ACVR1: variants seen among roughly 807,000 people sequenced by gnomAD.
The protein encoded by ACVR1 is activin receptor type-1.
A neutral mutation model predicts 57.1 loss-of-function variants in ACVR1; 38 were observed. The observed-to-expected ratio is 0.67, with a 90% CI of 0.51 to 0.87. The LOEUF (loss-of-function observed/expected upper bound fraction) is 0.87. Among genes scored for constraint, ACVR1 ranks in the 40% least tolerant of loss-of-function variants. The pLI is 0.00. For missense variants in ACVR1, 463 were observed against 638.2 expected, an observed-to-expected ratio of 0.73 and a Z score of 2.96; for synonymous variants, 212 against 228.1, an observed-to-expected ratio of 0.93 and a Z score of 0.63.
chr2:157,780,755 T>C (rs1360044084), intron 3 of ACVR1, among the ~76,000 whole-genome samples, 155 bp from the exon 4 acceptor site: 4 of 152,194 alleles, frequency 2.6e-5, no homozygotes, highest in African/African-American at 9.7e-5. Flanking sequence ...TTCTGTCACC[T>C]TGTCACCTAA....
intron 1 of ACVR1, among the ~76,000 whole-genome samples, chr2:157,874,181 G>A (rs566581856): frequency 2.0e-5 from 3 of 152,246 alleles, no homozygotes; most frequent in African/African-American, 7.2e-5. Flanking sequence ...GTGAGTACCT[G>A]CATAAGGGGT....
intron 3 of ACVR1, 78 bp from the exon 4 acceptor site, chr2:157,780,678 G>T: frequency 6.5e-7 from 1 of 1,538,996 alleles, no homozygotes; most frequent in South Asian, 1.2e-5. Context: ...TTGAGGGAAT[G>T]ACCATTCCAA....
At chr2:157,791,655 C>T (rs750966773) in intron 3 of ACVR1, among the ~76,000 whole-genome samples, 2 of 152,164 alleles carry the variant, frequency 1.3e-5, no homozygotes, top group Non-Finnish European at 2.9e-5. Flanking sequence ...GGAGAATATA[C>T]GCAAAGACAT....
chr2:157,809,783 A>C (rs1687686753), intron 2 of ACVR1, among the ~76,000 whole-genome samples: 1 of 152,194 alleles, frequency 6.6e-6, no homozygotes, highest in Non-Finnish European at 1.5e-5. Flanking sequence ...TGTTATTAAA[A>C]ATAAAATGCA....
At chr2:157,864,526 C>T (rs984443071) in intron 1 of ACVR1, among the ~76,000 whole-genome samples, 1 of 152,164 alleles carries the variant, frequency 6.6e-6, no homozygotes, top group Non-Finnish European at 1.5e-5. Flanking sequence ...GGACACCACA[C>T]TTGGCCAAAT....
At chr2:157,795,383 CACACA>C (rs1687069756) in intron 3 of ACVR1, among the ~76,000 whole-genome samples, 3 of 15,304 alleles carry the variant, frequency 2.0e-4, no homozygotes, top group Middle Eastern at 0.031. Context: ...ATAGAACACA[CACACA>C]CACACACACA....
chr2:157,852,114 G>A (rs1689336068), intron 1 of ACVR1, among the ~76,000 whole-genome samples: 1 of 151,984 alleles, frequency 6.6e-6, no homozygotes, highest in Admixed American at 6.6e-5. Context: ...TTAAAGGACA[G>A]AATACTTAAG....
intron 1 of ACVR1, among the ~76,000 whole-genome samples, chr2:157,866,934 T>C (rs1689960541): frequency 6.6e-6 from 1 of 152,128 alleles, no homozygotes; most frequent in Non-Finnish European, 1.5e-5. Context: ...GACATTCTCA[T>C]CCTCTCACCA....
intron 9 of ACVR1, 53 bp downstream of exon 9, chr2:157,760,827 C>T: frequency 3.2e-6 from 5 of 1,561,536 alleles, no homozygotes; most frequent in Non-Finnish European, 4.4e-6. Context: ...TTAAAGGTAG[C>T]TGGATCAAGA....
intron 9 of ACVR1, among the ~76,000 whole-genome samples, chr2:157,741,474 A>G (rs1256952314): frequency 6.6e-6 from 1 of 151,826 alleles, no homozygotes; most frequent in African/African-American, 2.4e-5. Context: ...AAAATACAAA[A>G]ATTAGCTTGG....
intron 1 of ACVR1, among the ~76,000 whole-genome samples, chr2:157,861,642 G>A (rs1404016959): frequency 1.3e-5 from 2 of 152,168 alleles, no homozygotes; most frequent in Non-Finnish European, 2.9e-5. Flanking sequence ...CTAAATCTGT[G>A]TTCATCCACT....
At chr2:157,744,735 C>G (rs924490077) in intron 9 of ACVR1, among the ~76,000 whole-genome samples, 1 of 152,212 alleles carries the variant, frequency 6.6e-6, no homozygotes, top group African/African-American at 2.4e-5. Flanking sequence ...TAACATACCT[C>G]ACAAGAGGGC....
chr2:157,831,554 C>T (rs1237812558), intron 1 of ACVR1, among the ~76,000 whole-genome samples: 1 of 152,180 alleles, frequency 6.6e-6, no homozygotes, highest in Non-Finnish European at 1.5e-5. Context: ...CTATTGTTTT[C>T]ATAAAACAAG....
intron 2 of ACVR1, among the ~76,000 whole-genome samples, chr2:157,802,309 G>A (rs530317748): frequency 6.6e-6 from 1 of 152,208 alleles, no homozygotes; most frequent in East Asian, 1.9e-4. Context: ...GTGTCCTGAG[G>A]ACTTAGGGCA....
At chr2:157,755,523 AATACCATACCATACC>A (rs71402402) in intron 9 of ACVR1, among the ~76,000 whole-genome samples, 5,352 of 149,870 alleles carry the variant, frequency 0.036, 184 homozygotes, top group African/African-American at 0.09. Context: ...AGCTGCAAAT[AATACCATACCATACC>A]ATACCATACC....
chr2:157,739,939 C>T (rs143119930), intron 9 of ACVR1, among the ~76,000 whole-genome samples: 2,365 of 152,196 alleles, frequency 0.016, 49 homozygotes, highest in African/African-American at 0.051. Flanking sequence ...AATCTCAGCA[C>T]TTTGGGAGGT....
rs769907223 is a variant in ACVR1, at chr2:157,869,335, A to G, written c.-183+6461T>C. 2.6e-5 allele frequency among the ~76,000 whole-genome samples: 4 copies of G among 152,206 alleles called. 1 individual carries two copies. The highest frequency in any genetic ancestry group is 5.9e-5 in the Non-Finnish European group (4 of 68,042). ...CTATAGAATGACAGAAATCCACACA[A>G]AAAGAAAACGAAAGTCTCATCCAGA... On this transcript the variant is annotated intron_variant, in intron 1 of 10. Coordinates refer to ENST00000434821, the MANE Select transcript of ACVR1 (RefSeq NM_001111067.4).
intron 3 of ACVR1, among the ~76,000 whole-genome samples, chr2:157,789,421 G>GAGAGCAACA (rs1559057732): frequency 6.6e-6 from 1 of 152,162 alleles, no homozygotes; most frequent in South Asian, 2.1e-4. Flanking sequence ...AAATCCAGGC[G>GAGAGCAACA]AGAGCAACAA....
chr2:157,748,543 T>C (rs1201576656), intron 9 of ACVR1, among the ~76,000 whole-genome samples: 3 of 152,060 alleles, frequency 2.0e-5, no homozygotes, highest in Admixed American at 2.0e-4. Flanking sequence ...TTGCAAACAA[T>C]TCTCAAGGGG....
Sources: gnomAD v4.1 joint callset for allele counts (sites outside exome capture counted in the v4.1 genomes callset) on GRCh38, gnomAD v4.1.1 for gene constraint, MANE v1.5 for transcripts, NCBI Gene and HGNC (gene_info 2026-07-23, HGNC 2026-07-21) for gene names.